The following MSN variants were observed in gnomAD, a reference collection of about 807,000 sequenced individuals.
MSN encodes epididymis luminal protein 70.
In MSN, 2 loss-of-function variants were observed where a neutral mutation model predicts 48.0. That is an observed-to-expected ratio of 0.04 (90% CI 0.02 to 0.13). The LOEUF (loss-of-function observed/expected upper bound fraction) is 0.13, where lower values mean the gene tolerates loss of function less well. Among genes scored for constraint, MSN ranks in the 10% least tolerant of loss-of-function variants. The probability of loss-of-function intolerance (pLI) is 1.00; values close to 1 mark genes in which losing one functional copy is unlikely to be tolerated. For missense variants in MSN, 267 were observed against 470.1 expected (o/e 0.57, Z 3.99); for synonymous variants, 146 against 166.9 (o/e 0.87, Z 0.97).
chrX:65,644,449 C>T (rs1193196152), intron 1 of MSN, among the ~76,000 whole-genome samples: 2 of 111,797 alleles, frequency 1.8e-5, no homozygotes, highest in African/African-American at 6.5e-5. Flanking sequence ...CTTAGCACAT[C>T]ATTATGCCCA....
At chrX:65,624,239 C>G (rs776082698) in intron 1 of MSN, among the ~76,000 whole-genome samples, 3 of 109,080 alleles carry the variant, frequency 2.8e-5, no homozygotes, top group Non-Finnish European at 5.7e-5. Flanking sequence ...CCACCACACC[C>G]GGCTAATTTT....
rs191900824 is a variant in MSN at position 65,644,143 on chromosome X, A to C, written c.-22+55531A>C. Reference sequence around the variant, plus strand: ...TCAGTGATATGTATAGCACTTCAGGATGGAATGTTATAAATAATAAGCAGT... The same window carrying C: ...TCAGTGATATGTATAGCACTTCAGGCTGGAATGTTATAAATAATAAGCAGT... On this transcript the variant is annotated intron_variant, in intron 1 of 3. Coordinates refer to the MSN transcript ENST00000609672. Among the ~76,000 whole-genome samples, 2 of 112,269 alleles carry C rather than the reference A, an allele frequency of 1.8e-5. 1 individual carries two copies. Among genetic ancestry groups the C allele is most frequent in the Non-Finnish European group, 3.8e-5 (2 of 53,247 alleles).
Position 65,620,493 on chromosome X carries a change from T to G in MSN, c.-22+31881T>G, listed in dbSNP as rs191724640. On this transcript the variant is annotated intron_variant, in intron 1 of 3. Transcript: ENST00000609672. The stretch of plus-strand genomic sequence containing the variant: ...TTTCCAGGTGCCGTCCGTCACCCCT[T>G]TCTTTGACTCAGAAAGGGAACTCCC... 3.9e-3 allele frequency among the ~76,000 whole-genome samples: 445 copies of G among 113,799 alleles called. 1 individual carries two copies. The highest frequency in any genetic ancestry group is 6.8e-3 in the Non-Finnish European group (363 of 53,371).
intron 1 of MSN, among the ~76,000 whole-genome samples, chrX:65,656,525 G>T (rs1246781636): frequency 9.0e-6 from 1 of 111,404 alleles, no homozygotes; most frequent in Non-Finnish European, 1.9e-5. Context: ...GAGCTCCAAG[G>T]TTATGCCTAG....
At chrX:65,713,298 G>A (rs961475162) in intron 1 of MSN, among the ~76,000 whole-genome samples, 3 of 111,439 alleles carry the variant, frequency 2.7e-5, no homozygotes, top group African/African-American at 9.8e-5. Context: ...CTGCACCTTT[G>A]TCCTCCCACT....
intron 1 of MSN, among the ~76,000 whole-genome samples, chrX:65,627,239 C>A (rs1424051183): frequency 1.0e-5 from 1 of 98,177 alleles, no homozygotes; most frequent in Non-Finnish European, 1.9e-5. Flanking sequence ...TGAGATTTAA[C>A]TGACATATGT....
Position 65,592,769 on chromosome X carries a change from G to A in MSN, c.-22+4157G>A, listed in dbSNP as rs2070158111. 9.9e-5 allele frequency among the ~76,000 whole-genome samples: 11 copies of A among 110,617 alleles called. No individual in the cohort carries two copies. The Admixed American group carries it at 1.1e-3, about 11-fold the overall frequency. On this transcript the variant is annotated intron_variant, in intron 1 of 3. Coordinates refer to the MSN transcript ENST00000609672. ...AAAACACAATTTTGAGGCTGGGTGC[G>A]GTGGCTCACACCTGTAATCCCAGCA...
intron 1 of MSN, among the ~76,000 whole-genome samples, chrX:65,600,138 G>A (rs768511119): frequency 9.0e-6 from 1 of 111,177 alleles, no homozygotes; most frequent in Non-Finnish European, 1.9e-5. Context: ...GGGGGACTAA[G>A]GAGAGAGATG....
chrX:65,627,116 G>C (rs909698799), intron 1 of MSN, among the ~76,000 whole-genome samples: 15 of 110,836 alleles, frequency 1.4e-4, no homozygotes, highest in Admixed American at 3.9e-4. Flanking sequence ...TGACAAAGTT[G>C]GTTCTGACAG....
chrX:65,675,598 G>A (rs2070989845), intron 1 of MSN, among the ~76,000 whole-genome samples: 2 of 111,180 alleles, frequency 1.8e-5, no homozygotes, highest in South Asian at 7.5e-4. Flanking sequence ...ACAAGGGCCT[G>A]TGGGGGAGAC....
chrX:65,703,357 C>A lies in MSN; in HGVS notation c.13-13461C>A, dbSNP rs1364415170. On this transcript the variant is annotated intron_variant, in intron 1 of 12. Coordinates refer to ENST00000360270, the MANE Select transcript of MSN (RefSeq NM_002444.3). ...GTACTGAGGTCGATATTATTAGACC[C>A]GTTTTATAGATTAGGAAACTGAATT... Among the ~76,000 whole-genome samples, 3 of 110,518 alleles carry A rather than the reference C, an allele frequency of 2.7e-5. No individual in the cohort carries two copies. The East Asian group carries it at 8.4e-4, about 31-fold the overall frequency.
intron 1 of MSN, chrX:65,625,110 A>G (rs2070493561): frequency 1.8e-5 from 2 of 112,491 alleles, no homozygotes; most frequent in South Asian, 7.2e-4. Flanking sequence ...TTAGTTATTG[A>G]CTTCACTGCA....
At chrX:65,667,443 G>A (rs1234229511), upstream of MSN, among the ~76,000 whole-genome samples, 3 of 106,977 alleles carry the variant, frequency 2.8e-5, no homozygotes, top group East Asian at 9.1e-4. Flanking sequence ...TGGGAGAGGA[G>A]CCGGGTGGGT....
chrX:65,685,391 C>T (rs2071104805), intron 1 of MSN, among the ~76,000 whole-genome samples: 1 of 111,481 alleles, frequency 9.0e-6, no homozygotes, highest in Admixed American at 9.5e-5. Context: ...GAGAATCCTG[C>T]ACCTCAGAAG....
chrX:65,707,826 G>C (rs1385372276), intron 1 of MSN, among the ~76,000 whole-genome samples: 2 of 111,760 alleles, frequency 1.8e-5, no homozygotes, highest in African/African-American at 6.5e-5. Context: ...ATCTAAGAGA[G>C]AACAAAGGGA....
intron 1 of MSN, among the ~76,000 whole-genome samples, chrX:65,648,143 G>A (rs944315969): frequency 9.1e-6 from 1 of 109,558 alleles, no homozygotes; most frequent in African/African-American, 3.3e-5. Flanking sequence ...GGTGGGGGGG[G>A]CGTGAGGAAA....
At chrX:65,723,308 C>T (rs2071535625) in intron 2 of MSN, among the ~76,000 whole-genome samples, 1 of 111,668 alleles carries the variant, frequency 9.0e-6, no homozygotes, top group South Asian at 3.7e-4. Flanking sequence ...AATAATTAAA[C>T]CTGAGGCTTC....
intron 1 of MSN, among the ~76,000 whole-genome samples, chrX:65,598,888 G>A (rs775309407): frequency 1.6e-4 from 18 of 112,247 alleles, no homozygotes; most frequent in African/African-American, 5.5e-4. Context: ...AGGCTGACTA[G>A]GGTAAGTTTG....
chrX:65,690,328 G>C (rs770051318), intron 1 of MSN, among the ~76,000 whole-genome samples: 3 of 111,582 alleles, frequency 2.7e-5, no homozygotes, highest in Non-Finnish European at 5.7e-5. Flanking sequence ...GCTTTTTCCA[G>C]GGCTCTTTGG....
Sources: gnomAD v4.1 joint callset for allele counts (sites outside exome capture counted in the v4.1 genomes callset) on GRCh38, gnomAD v4.1.1 for gene constraint, MANE v1.5 for transcripts, NCBI Gene and HGNC (gene_info 2026-07-23, HGNC 2026-07-21) for gene names.